SLC5A4: variants seen among roughly 807,000 people sequenced by gnomAD.
SLC5A4 encodes the protein solute carrier family 5 member 4, also known as probable glucose sensor protein SLC5A4.
SLC5A4 carries 55 observed loss-of-function variants against 70.3 expected under a neutral mutation model. The ratio of observed to expected loss-of-function variants is 0.78; its 90% CI spans 0.63 to 0.98. The LOEUF (loss-of-function observed/expected upper bound fraction) is 0.98. Among genes scored for constraint, SLC5A4 ranks in the 50% least tolerant of loss-of-function variants. The probability of loss-of-function intolerance (pLI) is 0.00; values close to 1 mark genes in which losing one functional copy is unlikely to be tolerated. For missense variants in SLC5A4, 735 were observed against 839.2 expected (o/e 0.88, Z 1.53); for synonymous variants, 268 against 305.7 (o/e 0.88, Z 1.29).
chr22:32,247,609 T>C, intron 4 of SLC5A4, 94 bp from the exon 5 acceptor site: 1 of 799,188 alleles, frequency 1.3e-6, no homozygotes, highest in Non-Finnish European at 2.2e-6. Flanking sequence ...TGAGTGAAAG[T>C]CCTGTGTGTG....
the SLC5A4 span, among the ~76,000 whole-genome samples, chr22:32,303,684 A>T: frequency 6.6e-6 from 1 of 152,120 alleles, no homozygotes; most frequent in Non-Finnish European, 1.5e-5. Flanking sequence ...TGGATGTACC[A>T]CGGTTTATAT....
chr22:32,319,935 C>T, the SLC5A4 span, among the ~76,000 whole-genome samples: 1 of 149,118 alleles, frequency 6.7e-6, no homozygotes, highest in Non-Finnish European at 1.5e-5. Context: ...ATGAACTGAA[C>T]AAACAGAAGA....
At chr22:32,260,526 CCAAAAA>C in the SLC5A4 span, among the ~76,000 whole-genome samples, 1 of 143,524 alleles carries the variant, frequency 7.0e-6, no homozygotes, top group Admixed American at 6.8e-5. Flanking sequence ...AAAAACAAAA[CCAAAAA>C]CAAAAACAAA....
At chr22:32,315,531 C>A in the SLC5A4 span, among the ~76,000 whole-genome samples, 2 of 151,890 alleles carry the variant, frequency 1.3e-5, no homozygotes, top group East Asian at 3.9e-4. Context: ...AGAAAATAAG[C>A]GCTGTCTAGA....
chr22:32,258,355 C>T (rs1332140484), upstream of SLC5A4, among the ~76,000 whole-genome samples: 1 of 151,862 alleles, frequency 6.6e-6, no homozygotes, highest in African/African-American at 2.4e-5. Context: ...TGGTTGATTC[C>T]AAAATATAAA....
At position 32,254,082 on chromosome 22, in the gene SLC5A4, A is replaced by G. The variant is rs1927327894; in HGVS notation, c.207+60T>C. 5 of 1,313,668 alleles carry G rather than the reference A, an allele frequency of 3.8e-6. No individual in the cohort carries two copies. In the South Asian group the frequency reaches 4.7e-5, roughly 12 times the overall value. 81.4% of individuals were successfully genotyped at this position (1,313,668 alleles called of 1,614,324 possible). A position where few individuals can be genotyped will look rare whatever the true frequency, so the allele number is the denominator to read the frequency against. ...AGGCGTGAGACACCGCACCCAGCCTACATTCAGTTTTAAGCACACACACAG... is the reference window on the plus strand; with the variant it reads ...AGGCGTGAGACACCGCACCCAGCCTGCATTCAGTTTTAAGCACACACACAG... On this transcript the variant is annotated intron_variant, in intron 2 of 14. Transcript: ENST00000266086.
the SLC5A4 span, among the ~76,000 whole-genome samples, chr22:32,263,268 C>T: frequency 4.0e-5 from 6 of 151,558 alleles, no homozygotes; most frequent in Middle Eastern, 3.4e-3. Flanking sequence ...CAAAGTGCTG[C>T]GATTACAGGC....
At chr22:32,266,996 C>A in the SLC5A4 span, among the ~76,000 whole-genome samples, 1 of 152,208 alleles carries the variant, frequency 6.6e-6, no homozygotes, top group South Asian at 2.1e-4. Flanking sequence ...CTTCATCAAA[C>A]TGTGAGTTTT....
the SLC5A4 span, among the ~76,000 whole-genome samples, chr22:32,313,231 G>A: frequency 6.6e-6 from 1 of 152,190 alleles, no homozygotes; most frequent in Non-Finnish European, 1.5e-5. Context: ...ATGCAACAGT[G>A]TGCATTGACC....
upstream of SLC5A4, chr22:32,255,409 G>A (rs2145710467): frequency 1.3e-6 from 2 of 1,504,164 alleles, no homozygotes; most frequent in South Asian, 1.2e-5. Flanking sequence ...CCTCAGGCAG[G>A]TGGGGCGAGA....
At chr22:32,286,345 G>A in the SLC5A4 span, among the ~76,000 whole-genome samples, 1 of 152,302 alleles carries the variant, frequency 6.6e-6, no homozygotes, top group East Asian at 1.9e-4. Flanking sequence ...CTGGAATGAG[G>A]TCATGAGGAG....
chr22:32,278,508 G>A, the SLC5A4 span, among the ~76,000 whole-genome samples: 5 of 152,164 alleles, frequency 3.3e-5, no homozygotes. Context: ...AAGTCAAGCT[G>A]CTGATTTTTT....
At chr22:32,353,963 A>T in the SLC5A4 span, among the ~76,000 whole-genome samples, 4 of 135,084 alleles carry the variant, frequency 3.0e-5, no homozygotes, top group Non-Finnish European at 6.3e-5. Flanking sequence ...GCCCCAACTC[A>T]CTCCCTGCCT....
chr22:32,287,287 G>A, the SLC5A4 span, among the ~76,000 whole-genome samples: 1 of 152,156 alleles, frequency 6.6e-6, no homozygotes, highest in Non-Finnish European at 1.5e-5. Flanking sequence ...CATTTCAGAT[G>A]TGGCCAAGGA....
At chr22:32,354,978 T>C in the SLC5A4 span, 1 of 152,284 alleles carries the variant, frequency 6.6e-6, no homozygotes, top group Non-Finnish European at 1.5e-5. Flanking sequence ...CAGACTCCAG[T>C]GTGCTCAGGA....
intron 11 of SLC5A4, among the ~76,000 whole-genome samples, chr22:32,226,593 C>T (rs1925412379): frequency 6.6e-6 from 1 of 152,172 alleles, no homozygotes; most frequent in South Asian, 2.1e-4. Context: ...ATCCTTGCAA[C>T]AACTAAATGT....
chr22:32,291,346 T>C, the SLC5A4 span, among the ~76,000 whole-genome samples: 1 of 151,998 alleles, frequency 6.6e-6, no homozygotes, highest in Non-Finnish European at 1.5e-5. Flanking sequence ...TGGCCAATTT[T>C]TTGTATTTTT....
At chr22:32,308,757 A>C in the SLC5A4 span, among the ~76,000 whole-genome samples, 14 of 135,100 alleles carry the variant, frequency 1.0e-4, no homozygotes, top group African/African-American at 3.8e-4. Flanking sequence ...TCTACCTATG[A>C]AATCACATGT....
chr22:32,281,218 C>T, the SLC5A4 span, among the ~76,000 whole-genome samples: 4 of 152,212 alleles, frequency 2.6e-5, no homozygotes, highest in Admixed American at 1.3e-4. Flanking sequence ...TGAATATTTG[C>T]CAGCCACTCG....
Sources: gnomAD v4.1 joint callset for allele counts (sites outside exome capture counted in the v4.1 genomes callset) on GRCh38, gnomAD v4.1.1 for gene constraint, MANE v1.5 for transcripts, NCBI Gene and HGNC (gene_info 2026-07-23, HGNC 2026-07-21) for gene names.